FRRS1: variants seen among roughly 807,000 people sequenced by gnomAD.
FRRS1 encodes ferric reductase 1.
FRRS1 carries 51 observed loss-of-function variants against 70.7 expected under a neutral mutation model. The observed-to-expected ratio is 0.72, with a 90% CI of 0.58 to 0.91. The LOEUF is 0.91. Ranked by LOEUF, FRRS1 falls within the 40% of genes least tolerant of loss-of-function variation. FRRS1 has a pLI of 0.00. For synonymous variants in FRRS1, 225 were observed against 238.7 expected (o/e 0.94, Z 0.53); for missense variants, 672 against 726.0 (o/e 0.93, Z 0.86).
At chr1:99,721,390 A>T (rs1483437712) in intron 9 of FRRS1, among the ~76,000 whole-genome samples, 1 of 137,022 alleles carries the variant, frequency 7.3e-6, no homozygotes, top group Non-Finnish European at 1.6e-5. Context: ...CCGTCTCAAT[A>T]AAAAAAAAAA....
intron 14 of FRRS1, 108 bp downstream of exon 14, chr1:99,711,997 C>T: frequency 1.4e-6 from 1 of 711,666 alleles, no homozygotes; most frequent in Non-Finnish European, 2.4e-6. Flanking sequence ...TCTCAACAAC[C>T]AATTACTCCA....
intron 12 of FRRS1, among the ~76,000 whole-genome samples, chr1:99,713,743 T>C (rs10783116): frequency 0.48 from 72,915 of 152,070 alleles, 21,522 homozygotes; most frequent in African/African-American, 0.84. Flanking sequence ...TCTGAACATA[T>C]CAGTGGATAT....
At chr1:99,753,766 CA>C (rs528551936) in intron 1 of FRRS1, among the ~76,000 whole-genome samples, 38 of 143,682 alleles carry the variant, frequency 2.6e-4, no homozygotes, top group Non-Finnish European at 4.6e-4. Flanking sequence ...AGCAAGACTC[CA>C]AAAAAAAAAC....
In FRRS1 at chr1:99,707,022, C is replaced by A. The variant is rs1167458238; in HGVS notation, c.*2006G>T. Reference sequence around the variant, plus strand: ...TTTAGTACACACTTAATTTGCTATACTAAATTTTTTTAATAAAGACCTTCA... The same window carrying A: ...TTTAGTACACACTTAATTTGCTATAATAAATTTTTTTAATAAAGACCTTCA... On this transcript the variant is annotated 3_prime_UTR_variant, in exon 17 of 17. Transcript: ENST00000646001. Among the ~76,000 whole-genome samples, 1 of 151,998 alleles carries A rather than the reference C, an allele frequency of 6.6e-6. No individual in the cohort carries two copies. The highest frequency in any genetic ancestry group is 2.4e-5 in the African/African-American group (1 of 41,374).
In FRRS1 at chr1:99,740,979, G is replaced by A. The variant is rs1655930308; in HGVS notation, c.429-39C>T. Reference sequence around the variant, plus strand: ...CCAGTGAGATTAGAACCCTAATTGTGTCCTGTCACAATCAGATCAAAACGT... The same window carrying A: ...CCAGTGAGATTAGAACCCTAATTGTATCCTGTCACAATCAGATCAAAACGT... On this transcript the variant is annotated intron_variant, in intron 5 of 16. Coordinates refer to ENST00000646001, the MANE Select transcript of FRRS1 (RefSeq NM_001361041.2). 2.5e-6 allele frequency: 4 copies of A among 1,583,998 alleles called. No homozygotes were observed. In the Admixed American group the frequency reaches 5.0e-5, roughly 20 times the overall value.
chr1:99,760,658 C>CT (rs895890631), intron 1 of FRRS1, among the ~76,000 whole-genome samples: 3 of 151,400 alleles, frequency 2.0e-5, no homozygotes, highest in South Asian at 2.1e-4. Context: ...GGAAAGACTT[C>CT]TTTTTTTTTG....
intron 9 of FRRS1, among the ~76,000 whole-genome samples, chr1:99,722,431 C>CAACGTA (rs1224508396): frequency 6.6e-6 from 1 of 152,114 alleles, no homozygotes; most frequent in Non-Finnish European, 1.5e-5. Context: ...CACACATTCA[C>CAACGTA]AACGTAAACC....
At chr1:99,713,184 C>T (rs2100903396) in intron 12 of FRRS1, among the ~76,000 whole-genome samples, 1 of 152,282 alleles carries the variant, frequency 6.6e-6, no homozygotes, top group Non-Finnish European at 1.5e-5. Context: ...AAGATAGATA[C>T]TATACCACCC....
At position 99,707,704 on chromosome 1, in the gene FRRS1, G is replaced by C. The variant is rs1275217601; in HGVS notation, c.*1324C>G. Among the ~76,000 whole-genome samples the C allele has an allele frequency of 6.6e-6, 1 of 152,198 alleles. No homozygotes were observed. On this transcript the variant is annotated 3_prime_UTR_variant, in exon 17 of 17. Coordinates refer to ENST00000646001, the MANE Select transcript of FRRS1 (RefSeq NM_001361041.2). Reference sequence around the variant, plus strand: ...AGAAAGGAATCAGCACAAGGAAACAGGAACAAAGCAGTGCAGTACTTCGGT... The same window carrying C: ...AGAAAGGAATCAGCACAAGGAAACACGAACAAAGCAGTGCAGTACTTCGGT...
At chr1:99,709,620 A>G (rs1654179096) in intron 15 of FRRS1, among the ~76,000 whole-genome samples, 1 of 152,228 alleles carries the variant, frequency 6.6e-6, no homozygotes, top group African/African-American at 2.4e-5. Flanking sequence ...TAGCTAAATC[A>G]AACTAATTAA....
chr1:99,761,086 C>A (rs1415536575), intron 1 of FRRS1, among the ~76,000 whole-genome samples: 1 of 151,892 alleles, frequency 6.6e-6, no homozygotes, highest in Non-Finnish European at 1.5e-5. Context: ...CTAATCACAG[C>A]ACCATCAGCA....
intron 12 of FRRS1, among the ~76,000 whole-genome samples, chr1:99,714,516 T>C (rs1654426643): frequency 6.6e-6 from 1 of 152,154 alleles, no homozygotes; most frequent in Non-Finnish European, 1.5e-5. Flanking sequence ...CTGTCTTCTT[T>C]GTAGAAAATA....
chr1:99,760,234 G>A (rs1657048065), intron 1 of FRRS1, among the ~76,000 whole-genome samples: 2 of 152,244 alleles, frequency 1.3e-5, no homozygotes, highest in South Asian at 4.1e-4. Context: ...TCCTCAATAT[G>A]TGCTAATTTC....
Position 99,708,954 on chromosome 1 carries a change from C to T in FRRS1, c.*74G>A. On this transcript the variant is annotated 3_prime_UTR_variant, in exon 17 of 17. Transcript: ENST00000646001. ...AATTCACAAATATGCTCCAGGCAGT[C>T]AGGACAGGCTTCAAGTTTCTTTGGT... 1 of 1,613,932 alleles carries T rather than the reference C, an allele frequency of 6.2e-7. No homozygotes were observed. The highest frequency in any genetic ancestry group is 8.5e-7 in the Non-Finnish European group (1 of 1,179,970).
intron 4 of FRRS1, 48 bp from the exon 5 acceptor site, chr1:99,742,321 G>A (rs747551692): frequency 1.8e-6 from 2 of 1,117,368 alleles, no homozygotes; most frequent in South Asian, 2.5e-5. Flanking sequence ...CAATAGCTCA[G>A]CATGGCTGGA....
intron 12 of FRRS1, among the ~76,000 whole-genome samples, chr1:99,714,278 G>A (rs753842623): frequency 5.5e-4 from 83 of 151,714 alleles, no homozygotes; most frequent in Non-Finnish European, 1.1e-3. Flanking sequence ...CCGCCTCCCA[G>A]GTTCAAGTGA....
intron 4 of FRRS1, among the ~76,000 whole-genome samples, chr1:99,744,831 G>A (rs1296023056): frequency 2.6e-5 from 4 of 151,028 alleles, no homozygotes; most frequent in African/African-American, 4.8e-5. Flanking sequence ...TTAGCCGGGC[G>A]TTGTGGCGGG....
In FRRS1 at chr1:99,728,660, G is replaced by A. The variant is rs1489050357; in HGVS notation, c.859-20C>T. 2 of 1,608,594 alleles carry A rather than the reference G, an allele frequency of 1.2e-6. No homozygotes were observed. The highest frequency in any genetic ancestry group is 2.2e-5 in the East Asian group (1 of 44,730). On this transcript the variant is annotated intron_variant, in intron 8 of 16. Coordinates refer to ENST00000646001, the MANE Select transcript of FRRS1 (RefSeq NM_001361041.2). Reference sequence around the variant, plus strand: ...GGTATCCTACAAACACACACAATGGGTCTTCTCAGCACTTTCCAAAGATTT... The same window carrying A: ...GGTATCCTACAAACACACACAATGGATCTTCTCAGCACTTTCCAAAGATTT...
chr1:99,734,797 A>T (rs1279514267), intron 7 of FRRS1, among the ~76,000 whole-genome samples: 2 of 152,152 alleles, frequency 1.3e-5, no homozygotes, highest in African/African-American at 4.8e-5. Context: ...GCATAATAAA[A>T]AGTTCAGTCT....
Sources: allele counts gnomAD v4.1 joint callset (sites outside exome capture counted in the v4.1 genomes callset), GRCh38; gene constraint gnomAD v4.1.1; transcripts MANE v1.5; gene names NCBI Gene and HGNC (gene_info 2026-07-23, HGNC 2026-07-21).